Variants in GAS6 observed in about 807,000 individuals in gnomAD.
GAS6 encodes growth arrest specific 6.
In GAS6, 41 loss-of-function variants were observed where a neutral mutation model predicts 75.8. That is an observed-to-expected ratio of 0.54 (90% CI 0.42 to 0.70). The LOEUF (loss-of-function observed/expected upper bound fraction) is 0.70. Among genes scored for constraint, GAS6 ranks in the 30% least tolerant of loss-of-function variants. The pLI, the probability that GAS6 is intolerant of heterozygous loss-of-function variation, is 0.00. For synonymous variants in GAS6, 432 were observed against 412.6 expected (o/e 1.05, Z -0.57); for missense variants, 854 against 940.2 (o/e 0.91, Z 1.20).
In GAS6 at chr13:113,863,849, G is replaced by T; in HGVS notation, c.72C>A (p.Ala24=). 1 of 1,276,478 alleles carries T rather than the reference G, an allele frequency of 7.8e-7. No homozygotes were observed. The highest frequency in any genetic ancestry group is 4.3e-5 in the Admixed American group (1 of 23,244). 79.1% of individuals were successfully genotyped at this position (1,276,478 alleles called of 1,614,324 possible). ...RAPQLLLLLL[A]AECALAALLP... is the part of the protein sequence containing the mutation. ...GGGACTCACCAAGCGCGCACTCCGCGGCCAGCAGCAGCAGCAGCAGCTGCG... is the reference window on the plus strand; with the variant it reads ...GGGACTCACCAAGCGCGCACTCCGCTGCCAGCAGCAGCAGCAGCAGCTGCG... The change falls in exon 1 of 15, where the codon GCC becomes GCA. Residue 24 remains alanine, a synonymous_variant. Transcript: ENST00000327773. The surrounding 1 kb of genome is among the most constrained non-coding windows in gnomAD (Gnocchi z 9.4).
intron 10 of GAS6, among the ~76,000 whole-genome samples, chr13:113,829,383 C>T (rs904657383): frequency 2.2e-4 from 32 of 148,012 alleles, no homozygotes; most frequent in Non-Finnish European, 4.5e-4. Context: ...GGGAGACCAC[C>T]TGATCCACAC....
chr13:113,824,198 TCTGGGGTCTGAGCTGTCGGGAGCACGC>T (rs2051502387), intron 12 of GAS6, among the ~76,000 whole-genome samples: 2 of 139,312 alleles, frequency 1.4e-5, no homozygotes, highest in Admixed American at 7.1e-5. Flanking sequence ...GCACCCGCGG[TCTGGGGTCTGAGCTGTCGGGAGCACGC>T]GCGGTCTGGG....
chr13:113,822,574 G>C, intron 13 of GAS6: 1 of 188,940 alleles, frequency 5.3e-6, no homozygotes, highest in East Asian at 1.4e-4. Flanking sequence ...CAGCCCGGTG[G>C]GCACTCACGC....
chr13:113,846,482 C>A (rs756739327), intron 4 of GAS6, 45 bp downstream of exon 4: 2 of 1,582,000 alleles, frequency 1.3e-6, no homozygotes, highest in Admixed American at 3.3e-5. Flanking sequence ...TAAAGCCGCC[C>A]AAACCCACAG....
rs906214746 is a variant in GAS6 at position 113,846,867 on chromosome 13, C to A, written c.281-278G>T. 10 of 510,632 alleles carry A rather than the reference C, an allele frequency of 2.0e-5. No individual in the cohort carries two copies. The East Asian group carries it at 3.8e-4, about 19-fold the overall frequency. 31.6% of individuals were successfully genotyped at this position (510,632 alleles called of 1,614,324 possible). A position where few individuals can be genotyped will look rare whatever the true frequency, so the allele number is the denominator to read the frequency against. On this transcript the variant is annotated intron_variant, in intron 3 of 14. Transcript: ENST00000327773. ...TTTCGAGGGGGCTCCTCCTGCCATACGGGAGAATCACCGGGAATGCTCAGT... is the reference window on the plus strand; with the variant it reads ...TTTCGAGGGGGCTCCTCCTGCCATAAGGGAGAATCACCGGGAATGCTCAGT...
At chr13:113,842,767 C>T (rs1331430664) in intron 4 of GAS6, 9 of 396,828 alleles carry the variant, frequency 2.3e-5, no homozygotes, top group East Asian at 3.6e-5. Context: ...GCTGCCGCTA[C>T]GATGTTTGGT....
chr13:113,832,376 C>G lies in GAS6; in HGVS notation c.1066G>C (p.Glu356Gln). The G allele has an allele frequency of 6.2e-7, 1 of 1,610,702 alleles. No individual in the cohort carries two copies. The highest frequency in any genetic ancestry group is 8.5e-7 in the Non-Finnish European group (1 of 1,179,916). Residue 356 changes from glutamate to glutamine, a missense_variant, in exon 10 of 15, where the codon GAG becomes CAG. Coordinates refer to ENST00000327773, the MANE Select transcript of GAS6 (RefSeq NM_000820.4). ...IVLALRAGRL[E>Q]LQLRYNGVGR... ...ACACCGTTGTAGCGCAGCTGCAGCTCCAGCCGGCCGGCTCTCAGGGCCAGC... is the reference window on the plus strand; with the variant it reads ...ACACCGTTGTAGCGCAGCTGCAGCTGCAGCCGGCCGGCTCTCAGGGCCAGC...
intron 11 of GAS6, among the ~76,000 whole-genome samples, chr13:113,828,185 A>G (rs1416281316): frequency 3.9e-5 from 6 of 152,050 alleles, no homozygotes; most frequent in Non-Finnish European, 7.4e-5. Flanking sequence ...AATGGCGTGA[A>G]CCCGGGAGGC....
In GAS6 at chr13:113,835,504, C is replaced by T. The variant is rs373560305; in HGVS notation, c.712+9G>A. On this transcript the variant is annotated intron_variant, in intron 7 of 14. Transcript: ENST00000327773. ...AGAGAAAGCGAGGGTGACCGCGTGG[C>T]GTGGGTACCTCGGCAAGCCTTCTCC... 5.6e-6 allele frequency: 9 copies of T among 1,611,970 alleles called. No homozygotes were observed. The highest frequency in any genetic ancestry group is 4.4e-5 in the South Asian group (4 of 91,046).
At chr13:113,839,571 C>G in intron 5 of GAS6, 157 bp downstream of exon 5, 1 of 908,490 alleles carries the variant, frequency 1.1e-6, no homozygotes, top group Non-Finnish European at 1.6e-6. Context: ...CCTCCCAATT[C>G]TCCTGGGGCT....
intron 12 of GAS6, among the ~76,000 whole-genome samples, chr13:113,824,957 G>A (rs775319460): frequency 1.8e-4 from 28 of 152,140 alleles, no homozygotes; most frequent in Non-Finnish European, 5.9e-5. Context: ...GGTGGCTCAC[G>A]CCTGTAATCC....
intron 8 of GAS6, chr13:113,833,049 CA>C: frequency 7.7e-7 from 1 of 1,292,540 alleles, no homozygotes; most frequent in South Asian, 1.6e-5. Context: ...TTCAAGCATA[CA>C]AAAATTACAG....
chr13:113,833,345 G>A, intron 8 of GAS6: 7 of 998,530 alleles, frequency 7.0e-6, no homozygotes, highest in Non-Finnish European at 8.4e-6. Flanking sequence ...CAAGGCGAGG[G>A]CTGGCTGGAA....
Position 113,839,404 on chromosome 13 carries a change from C to G in GAS6, c.466+324G>C, listed in dbSNP as rs74118430. The stretch of plus-strand genomic sequence containing the variant: ...ACGGTCAGAGGTGAAATTTCCCCCC[C>G]GCCTTTCAATCAGTGGGTGCCACTG... On this transcript the variant is annotated intron_variant, in intron 5 of 14. Transcript: ENST00000327773. 5.5e-5 allele frequency: 11 copies of G among 198,292 alleles called. 1 individual carries two copies. In the South Asian group the frequency reaches 7.9e-4, roughly 14 times the overall value. The allele number at this position is 198,292 out of a possible 1,614,324, so 12.3% of individuals were successfully genotyped here.
At chr13:113,826,611 CCGGCGCCGGCCTCG>C (rs2051549336) in intron 12 of GAS6, among the ~76,000 whole-genome samples, 1 of 86,866 alleles carries the variant, frequency 1.2e-5, no homozygotes, top group Non-Finnish European at 2.2e-5. Flanking sequence ...CCCCGGCCTC[CCGGCGCCGGCCTCG>C]CAGGCACCTT....
At chr13:113,858,312 T>C (rs559778655) in intron 2 of GAS6, among the ~76,000 whole-genome samples, 1 of 152,340 alleles carries the variant, frequency 6.6e-6, no homozygotes, top group East Asian at 1.9e-4. Flanking sequence ...ATATTATGCA[T>C]GTGTGTACAT....
At chr13:113,829,102 G>A (rs1395248240) in intron 10 of GAS6, among the ~76,000 whole-genome samples, 2 of 92,206 alleles carry the variant, frequency 2.2e-5, no homozygotes, top group Non-Finnish European at 3.7e-5. Context: ...ATCTCAGGGA[G>A]GCCACCTGAT....
In GAS6 at chr13:113,851,640, C is replaced by T. The variant is rs114072323; in HGVS notation, c.256-3590G>A. On this transcript the variant is annotated intron_variant, in intron 2 of 14. Transcript: ENST00000327773. Reference sequence around the variant, plus strand: ...AGGAATGAGTGGATGGATGGATGAGCGAGTGCATGGATAGTTGAATGAATG... The same window carrying T: ...AGGAATGAGTGGATGGATGGATGAGTGAGTGCATGGATAGTTGAATGAATG... Among the ~76,000 whole-genome samples the T allele has an allele frequency of 6.3e-3, 913 of 145,314 alleles. 10 individuals carry two copies. Among genetic ancestry groups the T allele is most frequent in the African/African-American group, 0.022 (842 of 39,144 alleles).
chr13:113,834,720 G>A (rs908582397), intron 7 of GAS6, 48 bp from the exon 8 acceptor site: 11 of 1,404,856 alleles, frequency 7.8e-6, no homozygotes, highest in Non-Finnish European at 1.0e-5. Flanking sequence ...CCTCTACGCT[G>A]TCCCGCCGTG....
Sources: gnomAD v4.1 joint callset for allele counts (sites outside exome capture counted in the v4.1 genomes callset) on GRCh38, gnomAD v4.1.1 for gene constraint, Gnocchi (gnomAD v3.1) non-coding constraint, MANE v1.5 for transcripts, NCBI Gene and HGNC (gene_info 2026-07-23, HGNC 2026-07-21) for gene names.